CNTNAP2: variants seen among roughly 807,000 people sequenced by gnomAD.
CNTNAP2 encodes contactin-associated protein-like 2.
Under a neutral mutation model 155.2 loss-of-function variants are expected in CNTNAP2, and 98 were observed. The observed-to-expected ratio is 0.63, with a 90% CI of 0.54 to 0.75. The LOEUF (loss-of-function observed/expected upper bound fraction) is 0.75, where lower values mean the gene tolerates loss of function less well. Ranked by LOEUF, CNTNAP2 falls within the 30% of genes least tolerant of loss-of-function variation. The probability of loss-of-function intolerance (pLI) is 0.00; values close to 1 mark genes in which losing one functional copy is unlikely to be tolerated. For missense variants in CNTNAP2, 1,727 were observed against 1,688.1 expected (o/e 1.02, Z -0.40); for synonymous variants, 651 against 631.2 (o/e 1.03, Z -0.47).
intron 15 of CNTNAP2, among the ~76,000 whole-genome samples, chr7:148,112,380 A>G (rs1439328271): frequency 6.6e-6 from 1 of 151,640 alleles, no homozygotes; most frequent in East Asian, 1.9e-4. Context: ...ATAATATTAC[A>G]TAGTCCTAAA....
intron 3 of CNTNAP2, among the ~76,000 whole-genome samples, chr7:146,994,161 A>G (rs1563036031): frequency 6.6e-6 from 1 of 152,174 alleles, no homozygotes; most frequent in Admixed American, 6.6e-5. Context: ...GTGACAAATG[A>G]CATAGGTTAC....
chr7:147,351,456 G>T (rs551490580), intron 9 of CNTNAP2, among the ~76,000 whole-genome samples: 3 of 151,664 alleles, frequency 2.0e-5, no homozygotes, highest in Non-Finnish European at 3.0e-5. Flanking sequence ...AGCAGTCTGA[G>T]AATTTCACAA....
intron 3 of CNTNAP2, among the ~76,000 whole-genome samples, chr7:146,907,720 G>T (rs1242395607): frequency 1.3e-5 from 2 of 150,106 alleles, no homozygotes; most frequent in Admixed American, 6.7e-5. Flanking sequence ...AGACCATCGA[G>T]ACTAGGAAGA....
At chr7:147,480,861 T>A (rs1009915851) in intron 10 of CNTNAP2, among the ~76,000 whole-genome samples, 1 of 152,196 alleles carries the variant, frequency 6.6e-6, no homozygotes, top group African/African-American at 2.4e-5. Context: ...GGGACCTTGT[T>A]AGGATCTCAG....
At chr7:147,374,301 C>T (rs932018222) in intron 9 of CNTNAP2, among the ~76,000 whole-genome samples, 2 of 151,986 alleles carry the variant, frequency 1.3e-5, no homozygotes, top group African/African-American at 4.8e-5. Flanking sequence ...AGCTAAATGT[C>T]TACTTTTCTA....
At chr7:148,387,733 GC>G (rs1185117943) in intron 22 of CNTNAP2, among the ~76,000 whole-genome samples, 4 of 148,536 alleles carry the variant, frequency 2.7e-5, no homozygotes, top group African/African-American at 9.7e-5. Context: ...TACCTGGGGA[GC>G]TTTTTAAAAC....
chr7:146,768,213 A>G (rs1802231370), intron 1 of CNTNAP2, among the ~76,000 whole-genome samples: 1 of 151,830 alleles, frequency 6.6e-6, no homozygotes, highest in South Asian at 2.1e-4. Flanking sequence ...TCTGCTTCCC[A>G]TCCTGCCTTG....
At chr7:147,520,357 A>G (rs1182654572) in intron 11 of CNTNAP2, among the ~76,000 whole-genome samples, 1 of 152,234 alleles carries the variant, frequency 6.6e-6, no homozygotes, top group African/African-American at 2.4e-5. Flanking sequence ...AAGTAGAGCA[A>G]GAGGTGGTTC....
At chr7:147,258,609 C>A (rs1430499849) in intron 8 of CNTNAP2, among the ~76,000 whole-genome samples, 5 of 152,070 alleles carry the variant, frequency 3.3e-5, no homozygotes. Flanking sequence ...CTAAATCCAG[C>A]TATAAACTAT....
chr7:146,905,923 G>A (rs534878696), intron 3 of CNTNAP2, among the ~76,000 whole-genome samples: 14 of 152,296 alleles, frequency 9.2e-5, no homozygotes, highest in East Asian at 1.9e-4. Flanking sequence ...GACAGTGGGC[G>A]CAGGCCAGTG....
intron 8 of CNTNAP2, among the ~76,000 whole-genome samples, chr7:147,239,818 G>T (rs544384392): frequency 7.6e-4 from 116 of 152,198 alleles, no homozygotes; most frequent in African/African-American, 2.7e-3. Flanking sequence ...TTCAGTAATT[G>T]AAAGTATTTT....
At position 147,005,996 on chromosome 7, in the gene CNTNAP2, T is replaced by C. The variant is rs75095704; in HGVS notation, c.403-37911T>C. ...TTTTAGATTCTTTTTCTTCTACTCA[T>C]CATAGAGATGGCTCTACCCATCTGG... On this transcript the variant is annotated intron_variant, in intron 3 of 23. Coordinates refer to ENST00000361727, the MANE Select transcript of CNTNAP2 (RefSeq NM_014141.6). Among the ~76,000 whole-genome samples the C allele has an allele frequency of 5.3e-5, 8 of 152,114 alleles. No individual in the cohort carries two copies. In the East Asian group the frequency reaches 1.5e-3, roughly 29 times the overall value.
At chr7:146,136,915 CAG>C (rs1474872071) in intron 1 of CNTNAP2, among the ~76,000 whole-genome samples, 1 of 152,120 alleles carries the variant, frequency 6.6e-6, no homozygotes. Flanking sequence ...AAGAAACAGA[CAG>C]AATGTTTTAG....
intron 1 of CNTNAP2, among the ~76,000 whole-genome samples, chr7:146,372,570 G>GTAA (rs958307258): frequency 8.5e-5 from 13 of 152,288 alleles, no homozygotes; most frequent in Non-Finnish European, 1.8e-4. Flanking sequence ...TTTCTAAGAA[G>GTAA]TAATGTTATT....
intron 17 of CNTNAP2, among the ~76,000 whole-genome samples, chr7:148,150,968 C>A (rs1805285747): frequency 6.6e-6 from 1 of 151,876 alleles, no homozygotes; most frequent in Non-Finnish European, 1.5e-5. Flanking sequence ...GATCCTTCCA[C>A]CTCAGCCTCC....
At chr7:147,368,771 G>T (rs1796289895) in intron 9 of CNTNAP2, among the ~76,000 whole-genome samples, 2 of 152,152 alleles carry the variant, frequency 1.3e-5, no homozygotes, top group African/African-American at 2.4e-5. Context: ...ATACAAAAGA[G>T]TTCCTCTTAT....
chr7:146,680,006 T>TA (rs1271604946), intron 1 of CNTNAP2, among the ~76,000 whole-genome samples: 71 of 152,314 alleles, frequency 4.7e-4, no homozygotes, highest in African/African-American at 1.5e-3. Flanking sequence ...TATTTTCATT[T>TA]AAAAATACAT....
chr7:147,063,858 A>T (rs1157408728), intron 4 of CNTNAP2, among the ~76,000 whole-genome samples: 1 of 152,164 alleles, frequency 6.6e-6, no homozygotes, highest in Non-Finnish European at 1.5e-5. Context: ...ATATAAAAGC[A>T]GTATAAAAAA....
intron 1 of CNTNAP2, among the ~76,000 whole-genome samples, chr7:146,668,545 A>G (rs1326420155): frequency 1.3e-5 from 2 of 151,604 alleles, no homozygotes; most frequent in Admixed American, 6.6e-5. Context: ...CTCGGCTTCA[A>G]TTTTTTGAAA....
Sources: allele counts gnomAD v4.1 joint callset (sites outside exome capture counted in the v4.1 genomes callset), GRCh38; gene constraint gnomAD v4.1.1; transcripts MANE v1.5; gene names NCBI Gene and HGNC (gene_info 2026-07-23, HGNC 2026-07-21).